Variants in ESRRG observed in about 807,000 individuals in gnomAD.
ESRRG encodes the protein estrogen related receptor gamma.
In ESRRG, 13 loss-of-function variants were observed where a neutral mutation model predicts 44.0. The observed-to-expected ratio is 0.30, with a 90% CI of 0.19 to 0.47. ESRRG has a LOEUF of 0.47. Among genes scored for constraint, ESRRG ranks in the 20% least tolerant of loss-of-function variants. The probability of loss-of-function intolerance (pLI) is 1.00; values close to 1 mark genes in which losing one functional copy is unlikely to be tolerated. For missense variants in ESRRG, 395 were observed against 580.6 expected (o/e 0.68, Z 3.29); for synonymous variants, 215 against 214.6 (o/e 1.00, Z -0.02).
intron 3 of ESRRG, among the ~76,000 whole-genome samples, chr1:216,636,685 G>A (rs1252938923): frequency 1.3e-5 from 2 of 152,218 alleles, no homozygotes; most frequent in African/African-American, 4.8e-5. Flanking sequence ...AGACAGGTGA[G>A]GAAGGGAAGA....
intron 2 of ESRRG, among the ~76,000 whole-genome samples, chr1:216,897,730 CA>C (rs945434275): frequency 1.3e-5 from 2 of 152,038 alleles, no homozygotes; most frequent in African/African-American, 4.8e-5. Flanking sequence ...TCAATTGCCT[CA>C]GTTCAATTTT....
intron 1 of ESRRG, among the ~76,000 whole-genome samples, chr1:217,114,805 C>T (rs779499263): frequency 2.9e-4 from 44 of 151,642 alleles, no homozygotes; most frequent in African/African-American, 9.2e-4. Flanking sequence ...TACAGGCGCC[C>T]GCCACCACAC....
intron 2 of ESRRG, among the ~76,000 whole-genome samples, chr1:216,759,075 C>T (rs560214470): frequency 2.6e-5 from 4 of 152,138 alleles, no homozygotes; most frequent in African/African-American, 4.8e-5. Context: ...CCATAAGGCC[C>T]TATTAAAACT....
intron 1 of ESRRG, among the ~76,000 whole-genome samples, chr1:217,098,574 G>C (rs573795042): frequency 1.1e-4 from 17 of 152,212 alleles, no homozygotes; most frequent in African/African-American, 3.1e-4. Context: ...ATCCACATTT[G>C]AAGGTTGCTA....
intron 2 of ESRRG, among the ~76,000 whole-genome samples, chr1:216,937,135 T>A (rs2064281435): frequency 6.6e-6 from 1 of 152,024 alleles, no homozygotes. Context: ...AAAACTCAAA[T>A]TTTTTGTTCC....
chr1:216,557,415 T>C (rs1488741773), intron 5 of ESRRG, among the ~76,000 whole-genome samples: 7 of 152,036 alleles, frequency 4.6e-5, no homozygotes, highest in Non-Finnish European at 5.9e-5. Flanking sequence ...GAAGCCACTG[T>C]TAAAAAACCA....
At chr1:216,673,108 G>A (rs767937620) in intron 2 of ESRRG, among the ~76,000 whole-genome samples, 1 of 152,062 alleles carries the variant, frequency 6.6e-6, no homozygotes, top group South Asian at 2.1e-4. Context: ...GGGAGGGAGA[G>A]ACTACGATCT....
intron 1 of ESRRG, among the ~76,000 whole-genome samples, chr1:217,110,941 T>C (rs914086097): frequency 6.6e-6 from 1 of 152,226 alleles, no homozygotes; most frequent in Non-Finnish European, 1.5e-5. Flanking sequence ...CCTTGAATTT[T>C]ACCTACCTCG....
chr1:216,635,465 T>C (rs1470356859), intron 3 of ESRRG, among the ~76,000 whole-genome samples: 1 of 152,214 alleles, frequency 6.6e-6, no homozygotes. Context: ...ACCTATAATA[T>C]ACCTTTTTTG....
chr1:216,623,341 T>C (rs972604696), intron 3 of ESRRG, among the ~76,000 whole-genome samples: 1 of 152,118 alleles, frequency 6.6e-6, no homozygotes, highest in Non-Finnish European at 1.5e-5. Context: ...AGAACAAATA[T>C]GATACATAGA....
chr1:216,902,220 G>A (rs994041918), intron 2 of ESRRG, among the ~76,000 whole-genome samples: 67 of 152,326 alleles, frequency 4.4e-4, no homozygotes, highest in African/African-American at 1.4e-3. Flanking sequence ...TGGGTGCGGT[G>A]GCTCACGCCT....
chr1:216,727,455 T>G (rs1201537702), upstream of ESRRG, among the ~76,000 whole-genome samples: 1 of 152,094 alleles, frequency 6.6e-6, no homozygotes, highest in African/African-American at 2.4e-5. Context: ...CATGGGTAGG[T>G]TGCCTCACTT....
intron 3 of ESRRG, among the ~76,000 whole-genome samples, chr1:216,589,115 T>A (rs1275642967): frequency 6.6e-6 from 1 of 152,182 alleles, no homozygotes; most frequent in Non-Finnish European, 1.5e-5. Flanking sequence ...TTGAGATGAT[T>A]TTGAGAAATT....
At chr1:216,791,190 T>G (rs1335344418) in intron 2 of ESRRG, among the ~76,000 whole-genome samples, 1 of 152,062 alleles carries the variant, frequency 6.6e-6, no homozygotes, top group East Asian at 1.9e-4. Context: ...TGGGAGATGT[T>G]TGGATCATGG....
chr1:217,047,230 T>G (rs1290367428), intron 1 of ESRRG, among the ~76,000 whole-genome samples: 1 of 152,192 alleles, frequency 6.6e-6, no homozygotes, highest in Non-Finnish European at 1.5e-5. Context: ...TAAAGAAGTA[T>G]CGTTTTTGAG....
At chr1:216,616,031 T>C (rs1224849788) in intron 3 of ESRRG, among the ~76,000 whole-genome samples, 1 of 152,146 alleles carries the variant, frequency 6.6e-6, no homozygotes, top group African/African-American at 2.4e-5. Context: ...CCTGATCACA[T>C]TGTGGGTGTC....
chr1:216,974,723 A>G (rs146301354), intron 1 of ESRRG, among the ~76,000 whole-genome samples: 1 of 152,208 alleles, frequency 6.6e-6, no homozygotes, highest in African/African-American at 2.4e-5. Context: ...TCAAAGTTTT[A>G]GTCTGTGGGC....
intron 1 of ESRRG, among the ~76,000 whole-genome samples, chr1:217,059,302 T>C (rs1278065531): frequency 1.3e-5 from 2 of 151,818 alleles, no homozygotes; most frequent in East Asian, 3.9e-4. Context: ...AGTATATAAC[T>C]ACATATAGTT....
chr1:216,637,074 T>TA (rs2065437674), intron 3 of ESRRG, among the ~76,000 whole-genome samples: 1 of 152,118 alleles, frequency 6.6e-6, no homozygotes, highest in Non-Finnish European at 1.5e-5. Context: ...TTGGACCAGT[T>TA]ATCTACAGAG....
Sources: allele counts gnomAD v4.1 joint callset (sites outside exome capture counted in the v4.1 genomes callset), GRCh38; gene constraint gnomAD v4.1.1; transcripts MANE v1.5; gene names NCBI Gene and HGNC (gene_info 2026-07-23, HGNC 2026-07-21).